Variants in COLGALT2 observed in about 807,000 individuals in gnomAD.
COLGALT2 encodes the protein procollagen galactosyltransferase 2.
In COLGALT2, 49 loss-of-function variants were observed where a neutral mutation model predicts 73.4. The observed-to-expected ratio is 0.67, with a 90% CI of 0.53 to 0.85. COLGALT2 has a LOEUF of 0.85. Ranked by LOEUF, COLGALT2 falls within the 40% of genes least tolerant of loss-of-function variation. The pLI, the probability that COLGALT2 is intolerant of heterozygous loss-of-function variation, is 0.00. For missense variants in COLGALT2, 722 were observed against 790.2 expected (o/e 0.91, Z 1.03); for synonymous variants, 295 against 307.6 (o/e 0.96, Z 0.43).
chr1:184,032,637 C>G (rs1343542943), intron 1 of COLGALT2, among the ~76,000 whole-genome samples: 1 of 152,176 alleles, frequency 6.6e-6, no homozygotes, highest in African/African-American at 2.4e-5. Context: ...GACTAACAGA[C>G]AGAAGGGGCC....
At chr1:184,006,113 G>T (rs1672072899) in intron 1 of COLGALT2, among the ~76,000 whole-genome samples, 1 of 152,140 alleles carries the variant, frequency 6.6e-6, no homozygotes, top group Non-Finnish European at 1.5e-5. Flanking sequence ...CTATGCTCTA[G>T]GGAGCACTTG....
At position 183,983,478 on chromosome 1, in the gene COLGALT2, G is replaced by A. The variant is rs74465393; in HGVS notation, c.264-4958C>T. Among the ~76,000 whole-genome samples, 513 of 152,332 alleles carry A rather than the reference G, an allele frequency of 3.4e-3. 3 individuals are homozygous for A. Among genetic ancestry groups the A allele is most frequent in the African/African-American group, 0.012 (495 of 41,566 alleles). Reference sequence around the variant, plus strand: ...AATGCATAATAATGAAAGCAACACAGGCCCTGGGCTATTCAGAGGGTTGGA... The same window carrying A: ...AATGCATAATAATGAAAGCAACACAAGCCCTGGGCTATTCAGAGGGTTGGA... On this transcript the variant is annotated intron_variant, in intron 1 of 11. Transcript: ENST00000361927.
intron 1 of COLGALT2, among the ~76,000 whole-genome samples, chr1:183,993,588 G>T (rs148108375): frequency 7.2e-5 from 11 of 152,236 alleles, no homozygotes; most frequent in African/African-American, 2.6e-4. Flanking sequence ...GGAACAAGTA[G>T]ACCAAAGGGC....
chr1:183,958,305 G>A (rs1670607237), intron 6 of COLGALT2, among the ~76,000 whole-genome samples: 1 of 152,110 alleles, frequency 6.6e-6, no homozygotes, highest in Admixed American at 6.5e-5. Flanking sequence ...CTCGTCCACT[G>A]ATGCCTGATA....
chr1:184,000,465 A>C (rs1451579605), intron 1 of COLGALT2, among the ~76,000 whole-genome samples: 1 of 149,714 alleles, frequency 6.7e-6, no homozygotes. Context: ...AATACAAGGA[A>C]CTTAGAATGA....
At chr1:183,998,664 G>A (rs1671834863) in intron 1 of COLGALT2, among the ~76,000 whole-genome samples, 1 of 152,022 alleles carries the variant, frequency 6.6e-6, no homozygotes, top group South Asian at 2.1e-4. Flanking sequence ...CGTCTGGAGA[G>A]AATCATTATC....
At position 184,037,259 on chromosome 1, in the gene COLGALT2, CCGCTCGGCGACGAAGCG is replaced by C. The variant is rs762185268; in HGVS notation, c.82_98del (p.Arg28GlyfsTer59). The stretch of plus-strand genomic sequence containing the variant: ...GCTCCTCTCCGTCGTCCTCCGAGTC[CCGCTCGGCGACGAAGCG>C]CGCTCGGCAGCCTTCGCGGAGCAGG... On this transcript the variant is annotated frameshift_variant, in exon 1 of 12. Transcript: ENST00000361927. LOFTEE classifies it high-confidence loss of function. 2.5e-6 allele frequency: 4 copies of C among 1,570,812 alleles called. No individual in the cohort carries two copies. Among genetic ancestry groups the C allele is most frequent in the African/African-American group, 1.4e-5 (1 of 73,410 alleles).
chr1:183,931,741 T>C (rs1348692819), downstream of COLGALT2, among the ~76,000 whole-genome samples: 1 of 151,022 alleles, frequency 6.6e-6, no homozygotes, highest in East Asian at 1.9e-4. Context: ...CATCATTATG[T>C]GCTACAGTTC....
At chr1:183,991,052 T>C (rs1671616321) in intron 1 of COLGALT2, among the ~76,000 whole-genome samples, 1 of 152,248 alleles carries the variant, frequency 6.6e-6, no homozygotes, top group Non-Finnish European at 1.5e-5. Context: ...TTTTATTCAG[T>C]TCCAATTCCA....
intron 1 of COLGALT2, among the ~76,000 whole-genome samples, chr1:184,034,155 C>A (rs1035722761): frequency 6.6e-6 from 1 of 152,130 alleles, no homozygotes; most frequent in Non-Finnish European, 1.5e-5. Flanking sequence ...TAGGGCCAGA[C>A]CAGAAGTCAG....
At chr1:183,981,244 T>C (rs1671341714) in intron 1 of COLGALT2, among the ~76,000 whole-genome samples, 1 of 152,132 alleles carries the variant, frequency 6.6e-6, no homozygotes, top group Admixed American at 6.5e-5. Flanking sequence ...CAAAAATATA[T>C]ATGATATAAT....
chr1:183,937,078 A>G lies in COLGALT2; in HGVS notation c.*1683T>C, dbSNP rs115622336. 2,294 of 1,231,408 alleles carry G rather than the reference A, an allele frequency of 1.9e-3. 8 individuals carry two copies. The highest frequency in any genetic ancestry group is 6.8e-3 in the African/African-American group (437 of 64,526). The allele number at this position is 1,231,408 out of a possible 1,614,324, so 76.3% of individuals were successfully genotyped here. ...TATCACATGGGCAGTGAACTGAAGA[A>G]TTAGGTGTCTGGCTTAAAGTGTATC... On this transcript the variant is annotated 3_prime_UTR_variant, in exon 12 of 12. Coordinates refer to ENST00000361927, the MANE Select transcript of COLGALT2 (RefSeq NM_015101.4).
intron 1 of COLGALT2, among the ~76,000 whole-genome samples, chr1:183,985,031 T>C (rs1235181673): frequency 6.6e-6 from 1 of 152,220 alleles, no homozygotes; most frequent in Admixed American, 6.5e-5. Context: ...TATCTGGCAA[T>C]GTCTAAAAAC....
intron 1 of COLGALT2, among the ~76,000 whole-genome samples, chr1:183,983,700 G>T (rs561644584): frequency 6.6e-6 from 1 of 152,312 alleles, no homozygotes; most frequent in Admixed American, 6.5e-5. Flanking sequence ...AGGAAGCTGA[G>T]AACCCAGAAT....
intron 1 of COLGALT2, among the ~76,000 whole-genome samples, chr1:183,979,890 C>T (rs1448625159): frequency 6.6e-6 from 1 of 151,986 alleles, no homozygotes; most frequent in African/African-American, 2.4e-5. Context: ...CAAAGAAAGC[C>T]TCCATAAAAT....
chr1:183,947,090 C>T (rs1343798485), intron 8 of COLGALT2, among the ~76,000 whole-genome samples: 1 of 151,992 alleles, frequency 6.6e-6, no homozygotes, highest in African/African-American at 2.4e-5. Flanking sequence ...ATGCACCTAA[C>T]AGAACCTCAG....
intron 1 of COLGALT2, among the ~76,000 whole-genome samples, chr1:184,010,875 A>G (rs938400480): frequency 6.6e-6 from 1 of 152,204 alleles, no homozygotes; most frequent in Non-Finnish European, 1.5e-5. Context: ...CTGCTGAAAT[A>G]AAGGATCATC....
At chr1:184,033,276 T>C (rs1430006160) in intron 1 of COLGALT2, among the ~76,000 whole-genome samples, 1 of 152,220 alleles carries the variant, frequency 6.6e-6, no homozygotes, top group Non-Finnish European at 1.5e-5. Context: ...GAGGTCAGCC[T>C]TCCCTCTGTT....
At chr1:183,945,621 G>T in intron 8 of COLGALT2, 57 bp from the exon 9 acceptor site, 5 of 1,598,130 alleles carry the variant, frequency 3.1e-6, no homozygotes, top group Non-Finnish European at 4.3e-6. Flanking sequence ...CACCACAAAG[G>T]CCAGAGAAAG....
Sources: allele counts gnomAD v4.1 joint callset (sites outside exome capture counted in the v4.1 genomes callset), GRCh38; gene constraint gnomAD v4.1.1; transcripts MANE v1.5; gene names NCBI Gene and HGNC (gene_info 2026-07-23, HGNC 2026-07-21).